SGCD: variants seen among roughly 807,000 people sequenced by gnomAD.
SGCD encodes the protein sarcoglycan delta.
A neutral mutation model predicts 36.6 loss-of-function variants in SGCD; 18 were observed. That is an observed-to-expected ratio of 0.49 (90% CI 0.34 to 0.73). SGCD has a LOEUF of 0.73. Among genes scored for constraint, SGCD ranks in the 30% least tolerant of loss-of-function variants. SGCD has a pLI of 0.01. For synonymous variants in SGCD, 133 were observed against 130.6 expected, an observed-to-expected ratio of 1.02 and a Z score of -0.12; for missense variants, 387 against 346.7, an observed-to-expected ratio of 1.12 and a Z score of -0.92.
At chr5:156,668,101 C>T (rs1323245541) in intron 7 of SGCD, among the ~76,000 whole-genome samples, 1 of 152,126 alleles carries the variant, frequency 6.6e-6, no homozygotes, top group Non-Finnish European at 1.5e-5. Flanking sequence ...GCCCAAAACC[C>T]AAGTGACTTC....
Position 156,209,781 on chromosome 5 carries a change from G to C in SGCD, c.-44+85762G>C, listed in dbSNP as rs188023461. ...GCAGACCTTGTCTCAGCCCATCATT[G>C]AAGACCCCAGTGCCAGGCCAATCTC... On this transcript the variant is annotated intron_variant, in intron 3 of 9. Coordinates refer to the SGCD transcript ENST00000517913. Among the ~76,000 whole-genome samples, 191 of 152,262 alleles carry C rather than the reference G, an allele frequency of 1.3e-3. 1 individual carries two copies. Among genetic ancestry groups the C allele is most frequent in the African/African-American group, 4.6e-3 (190 of 41,526 alleles).
intron 6 of SGCD, among the ~76,000 whole-genome samples, chr5:156,605,895 TG>T (rs1380811585): frequency 2.0e-5 from 3 of 152,254 alleles, no homozygotes; most frequent in African/African-American, 4.8e-5. Flanking sequence ...TTGATGGGGT[TG>T]TTTTTTTCTC....
intron 7 of SGCD, among the ~76,000 whole-genome samples, chr5:156,650,546 T>C (rs1763420205): frequency 6.6e-6 from 1 of 152,160 alleles, no homozygotes; most frequent in South Asian, 2.1e-4. Flanking sequence ...CATATTCATG[T>C]GTATCCAGTG....
At chr5:156,235,849 C>G (rs1053002653) in intron 3 of SGCD, among the ~76,000 whole-genome samples, 1 of 152,184 alleles carries the variant, frequency 6.6e-6, no homozygotes, top group African/African-American at 2.4e-5. Flanking sequence ...TCTCTCTTCT[C>G]ACTTCCTCTT....
chr5:156,329,478 C>A, intron 1 of SGCD, 56 bp from the exon 2 acceptor site: 4 of 1,217,834 alleles, frequency 3.3e-6, no homozygotes, highest in Non-Finnish European at 4.8e-6. Context: ...ATTTCCTAGG[C>A]AAGGAGGGGG....
intron 4 of SGCD, among the ~76,000 whole-genome samples, chr5:156,582,390 G>T (rs1024684805): frequency 2.0e-5 from 3 of 152,170 alleles, no homozygotes; most frequent in Admixed American, 6.5e-5. Flanking sequence ...TGTGATGGGT[G>T]CATAAAAGGG....
At chr5:156,674,337 G>A (rs1753424750) in intron 7 of SGCD, among the ~76,000 whole-genome samples, 1 of 152,326 alleles carries the variant, frequency 6.6e-6, no homozygotes, top group East Asian at 1.9e-4. Context: ...CAGCAACTAA[G>A]TTAAGAACAG....
At chr5:155,890,182 A>T (rs1409746569) in intron 1 of SGCD, among the ~76,000 whole-genome samples, 1 of 152,220 alleles carries the variant, frequency 6.6e-6, no homozygotes, top group South Asian at 2.1e-4. Context: ...GAGAACAACC[A>T]CCATGAAGAA....
chr5:156,275,423 T>C (rs908624875), intron 3 of SGCD, among the ~76,000 whole-genome samples: 1 of 152,194 alleles, frequency 6.6e-6, no homozygotes. Context: ...TAAATATGTA[T>C]GTAGTAGAGA....
the SGCD span, among the ~76,000 whole-genome samples, chr5:155,851,202 T>C: frequency 0.018 from 2,716 of 152,272 alleles, 85 homozygotes; most frequent in African/African-American, 0.061. Flanking sequence ...TATGGCGACA[T>C]GCAGTGTGTT....
chr5:156,282,395 C>T (rs1766477158), intron 3 of SGCD, among the ~76,000 whole-genome samples: 2 of 152,160 alleles, frequency 1.3e-5, no homozygotes, highest in Non-Finnish European at 2.9e-5. Flanking sequence ...TCGTACCCCT[C>T]CCAGCAGAGT....
intron 3 of SGCD, among the ~76,000 whole-genome samples, chr5:156,440,100 A>T (rs1011149326): frequency 6.6e-6 from 1 of 152,088 alleles, no homozygotes; most frequent in African/African-American, 2.4e-5. Context: ...CATCATCCCG[A>T]AAGAAAACCC....
At chr5:155,954,477 G>A (rs192142788) in intron 1 of SGCD, among the ~76,000 whole-genome samples, 11 of 151,326 alleles carry the variant, frequency 7.3e-5, no homozygotes, top group Admixed American at 1.3e-4. Flanking sequence ...TTTGATTAGC[G>A]ATCTGGGCAT....
intron 3 of SGCD, among the ~76,000 whole-genome samples, chr5:156,182,487 A>T (rs1415860514): frequency 1.3e-5 from 2 of 152,156 alleles, no homozygotes; most frequent in Admixed American, 6.6e-5. Flanking sequence ...GCTACTCGGG[A>T]GGCTGAGGTG....
At chr5:156,647,675 A>G in intron 7 of SGCD, 139 bp downstream of exon 7, 1 of 654,032 alleles carries the variant, frequency 1.5e-6, no homozygotes, top group Non-Finnish European at 2.7e-6. Context: ...GAACCAGAAG[A>G]TAAGCTACAA....
At chr5:156,114,359 T>A (rs1761860717) in intron 1 of SGCD, among the ~76,000 whole-genome samples, 1 of 152,084 alleles carries the variant, frequency 6.6e-6, no homozygotes, top group Non-Finnish European at 1.5e-5. Context: ...CTCCTCTCCA[T>A]CACAGGTACC....
intron 1 of SGCD, among the ~76,000 whole-genome samples, chr5:156,025,111 A>G (rs980311265): frequency 6.6e-6 from 1 of 152,150 alleles, no homozygotes; most frequent in African/African-American, 2.4e-5. Context: ...CCAAAGTCCA[A>G]TGGTAGTGGG....
chr5:156,654,502 C>CT (rs992199357), intron 7 of SGCD, among the ~76,000 whole-genome samples: 1 of 151,898 alleles, frequency 6.6e-6, no homozygotes, highest in Non-Finnish European at 1.5e-5. Context: ...TTTTTCTTTC[C>CT]TTTGGGGGGG....
chr5:155,791,510 C>A, the SGCD span, among the ~76,000 whole-genome samples: 1 of 152,126 alleles, frequency 6.6e-6, no homozygotes, highest in Non-Finnish European at 1.5e-5. Flanking sequence ...ATAGAAAACC[C>A]TTAAGACTCT....
Sources: allele counts gnomAD v4.1 joint callset (sites outside exome capture counted in the v4.1 genomes callset), GRCh38; gene constraint gnomAD v4.1.1; transcripts MANE v1.5; gene names NCBI Gene and HGNC (gene_info 2026-07-23, HGNC 2026-07-21).